Variants in STOX2 observed in about 807,000 individuals in gnomAD.
STOX2 encodes the protein storkhead-box protein 2.
Under a neutral mutation model 60.9 loss-of-function variants are expected in STOX2, and 28 were observed. That is an observed-to-expected ratio of 0.46 (90% CI 0.34 to 0.63). The LOEUF is 0.63. Among genes scored for constraint, STOX2 ranks in the 30% least tolerant of loss-of-function variants. STOX2 has a pLI of 0.01. For missense variants in STOX2, 1,024 were observed against 1,187.7 expected, an observed-to-expected ratio of 0.86 and a Z score of 2.03; for synonymous variants, 472 against 463.9, an observed-to-expected ratio of 1.02 and a Z score of -0.22.
At chr4:183,967,607 C>T (rs916901706) in intron 1 of STOX2, among the ~76,000 whole-genome samples, 4 of 152,040 alleles carry the variant, frequency 2.6e-5, no homozygotes, top group African/African-American at 4.8e-5. Context: ...CGGAGATGTA[C>T]CTAACTTAGA....
chr4:183,874,820 G>A (rs540373912), intron 1 of STOX2, among the ~76,000 whole-genome samples: 1 of 149,340 alleles, frequency 6.7e-6, no homozygotes, highest in Admixed American at 6.7e-5. Flanking sequence ...CAGCTACGCG[G>A]GAGGCTGAGG....
At chr4:183,972,010 G>A (rs1743756285) in intron 1 of STOX2, among the ~76,000 whole-genome samples, 1 of 152,186 alleles carries the variant, frequency 6.6e-6, no homozygotes, top group Admixed American at 6.5e-5. Context: ...GATCTTCAAG[G>A]GAAGCCCTTG....
intron 1 of STOX2, among the ~76,000 whole-genome samples, chr4:183,879,541 C>T (rs192324844): frequency 3.9e-5 from 6 of 152,246 alleles, no homozygotes; most frequent in Middle Eastern, 3.4e-3. Context: ...CTTGTGTAGC[C>T]GTAAGTTAAG....
intron 1 of STOX2, among the ~76,000 whole-genome samples, chr4:183,846,346 T>C (rs1352356476): frequency 6.6e-6 from 1 of 151,960 alleles, no homozygotes; most frequent in African/African-American, 2.4e-5. Flanking sequence ...TGGCCATTAT[T>C]GCTTCAAATA....
intron 1 of STOX2, among the ~76,000 whole-genome samples, chr4:183,942,357 A>G (rs1304755563): frequency 7.0e-6 from 1 of 142,878 alleles, no homozygotes; most frequent in Non-Finnish European, 1.5e-5. Context: ...TTTTTTTTAG[A>G]CAAAACCAAG....
intron 1 of STOX2, among the ~76,000 whole-genome samples, chr4:183,985,467 G>T (rs1326552934): frequency 2.0e-5 from 3 of 152,180 alleles, no homozygotes; most frequent in Non-Finnish European, 4.4e-5. Context: ...AGCTCTGTGA[G>T]CTTCAGGAAG....
At chr4:183,968,343 TACACAC>T (rs60432446) in intron 1 of STOX2, among the ~76,000 whole-genome samples, 44 of 145,598 alleles carry the variant, frequency 3.0e-4, no homozygotes, top group East Asian at 2.1e-3. Flanking sequence ...TGCATATACC[TACACAC>T]ACACACACAC....
At chr4:183,826,488 G>A (rs1170255907) in intron 1 of STOX2, among the ~76,000 whole-genome samples, 1 of 152,222 alleles carries the variant, frequency 6.6e-6, no homozygotes, top group Non-Finnish European at 1.5e-5. Context: ...TCCCTGCTGA[G>A]TAAGTGTAAC....
At chr4:183,849,297 G>A (rs1489163222) in intron 1 of STOX2, among the ~76,000 whole-genome samples, 1 of 152,222 alleles carries the variant, frequency 6.6e-6, no homozygotes, top group Non-Finnish European at 1.5e-5. Context: ...GGAACTAGCA[G>A]CCACTGCTAC....
At chr4:183,947,332 T>C (rs1338214732) in intron 1 of STOX2, among the ~76,000 whole-genome samples, 15 of 152,208 alleles carry the variant, frequency 9.9e-5, no homozygotes, top group Admixed American at 9.8e-4. Flanking sequence ...TGGCTGGATA[T>C]GGAGCTCGCA....
intron 1 of STOX2, among the ~76,000 whole-genome samples, chr4:183,958,343 T>C (rs73002659): frequency 6.6e-6 from 1 of 152,096 alleles, no homozygotes; most frequent in Admixed American, 6.6e-5. Flanking sequence ...TCTCCTCTCA[T>C]GATTAATTTT....
intron 1 of STOX2, among the ~76,000 whole-genome samples, chr4:183,978,657 C>T (rs1464837805): frequency 1.3e-5 from 2 of 152,218 alleles, no homozygotes; most frequent in Non-Finnish European, 2.9e-5. Context: ...GTACTTGCAA[C>T]AGCATGGATA....
At chr4:183,922,455 T>TC (rs1742129786) in intron 1 of STOX2, among the ~76,000 whole-genome samples, 1 of 151,726 alleles carries the variant, frequency 6.6e-6, no homozygotes, top group South Asian at 2.1e-4. Flanking sequence ...CAAGCAATTC[T>TC]CTGCCTCAGC....
intron 1 of STOX2, among the ~76,000 whole-genome samples, chr4:183,855,192 G>C (rs1203151073): frequency 6.6e-6 from 1 of 152,154 alleles, no homozygotes; most frequent in Non-Finnish European, 1.5e-5. Context: ...GCATTACTTT[G>C]GGTGTTTAAT....
intron 1 of STOX2, among the ~76,000 whole-genome samples, chr4:183,845,092 A>G (rs1258139938): frequency 6.6e-6 from 1 of 152,240 alleles, no homozygotes. Flanking sequence ...TGGCTCTATA[A>G]TAGTTTAAAA....
At chr4:183,847,815 AG>A (rs374210338) in intron 1 of STOX2, among the ~76,000 whole-genome samples, 34 of 152,354 alleles carry the variant, frequency 2.2e-4, no homozygotes, top group African/African-American at 7.0e-4. Context: ...GTTTCTGTAC[AG>A]GAACAGGCCC....
intron 1 of STOX2, among the ~76,000 whole-genome samples, chr4:183,908,212 T>A (rs916615813): frequency 1.3e-5 from 2 of 152,244 alleles, no homozygotes; most frequent in Non-Finnish European, 2.9e-5. Context: ...GCTCCCTTGA[T>A]TTTCCCTTTC....
intron 1 of STOX2, among the ~76,000 whole-genome samples, chr4:183,816,273 G>C (rs1739150654): frequency 6.6e-6 from 1 of 152,158 alleles, no homozygotes; most frequent in African/African-American, 2.4e-5. Flanking sequence ...CAACACAAGT[G>C]CCCATCAACA....
chr4:183,894,873 T>C (rs1182071187), intron 1 of STOX2, among the ~76,000 whole-genome samples: 1 of 152,216 alleles, frequency 6.6e-6, no homozygotes, highest in East Asian at 1.9e-4. Flanking sequence ...TGCGGGGAAG[T>C]CATTTGAGTC....
Sources: allele counts gnomAD v4.1 joint callset (sites outside exome capture counted in the v4.1 genomes callset), GRCh38; gene constraint gnomAD v4.1.1; transcripts MANE v1.5; gene names NCBI Gene and HGNC (gene_info 2026-07-23, HGNC 2026-07-21).